Variants in ADAM8 observed in about 807,000 individuals in gnomAD.
The protein encoded by ADAM8 is ADAM metallopeptidase domain 8, also known as disintegrin and metalloproteinase domain-containing protein 8.
A neutral mutation model predicts 102.4 loss-of-function variants in ADAM8; 104 were observed. The observed-to-expected ratio is 1.02, with a 90% CI of 0.87 to 1.20. The LOEUF is 1.20. ADAM8 is among the 50% of genes most tolerant of loss of function. The pLI, the probability that ADAM8 is intolerant of heterozygous loss-of-function variation, is 0.00. For synonymous variants in ADAM8, 517 were observed against 485.2 expected (o/e 1.07, Z -0.86); for missense variants, 1,132 against 1,159.0 (o/e 0.98, Z 0.34).
chr10:133,276,166 A>C (rs1354596538), intron 1 of ADAM8, among the ~76,000 whole-genome samples: 1 of 152,188 alleles, frequency 6.6e-6, no homozygotes, highest in African/African-American at 2.4e-5. Context: ...ACGTGTCTCC[A>C]TGACCACATC....
At chr10:133,273,179 G>A (rs1360946355) in intron 6 of ADAM8, 75 bp downstream of exon 6, 1 of 1,579,136 alleles carries the variant, frequency 6.3e-7, no homozygotes, top group Non-Finnish European at 8.6e-7. Context: ...AGCACATGGG[G>A]AGCCAGGAGG....
Position 133,269,777 on chromosome 10 carries a change from G to A in ADAM8, c.1863+120C>T. 5 of 1,235,750 alleles carry A rather than the reference G, an allele frequency of 4.0e-6. No individual in the cohort carries two copies. In the East Asian group the frequency reaches 7.1e-5, roughly 18 times the overall value. The allele number at this position is 1,235,750 out of a possible 1,614,324, so 76.5% of individuals were successfully genotyped here. ...ACAGGGGCTCCACAGAGACCCCCAT[G>A]GACAGGACACGCCAGGCTCCCCCAG... On this transcript the variant is annotated intron_variant, in intron 17 of 22. Coordinates refer to ENST00000445355, the MANE Select transcript of ADAM8 (RefSeq NM_001109.5).
chr10:133,263,681 G>T lies in ADAM8; in HGVS notation c.2397+7C>A. 1.7e-6 allele frequency: 2 copies of T among 1,174,620 alleles called. No homozygotes were observed. The highest frequency in any genetic ancestry group is 2.8e-5 in the African/African-American group (1 of 35,782). 72.8% of individuals were successfully genotyped at this position (1,174,620 alleles called of 1,614,324 possible). ...TGGACTCTGCCTGGTGTGTGCTGGG[G>T]CCTCACCTCAGCTGGACCAGGGTTG... On this transcript the variant is annotated splice_region_variant and intron_variant, in intron 22 of 22. Coordinates refer to ENST00000445355, the MANE Select transcript of ADAM8 (RefSeq NM_001109.5).
At chr10:133,274,919 G>A in intron 2 of ADAM8, 1 of 429,072 alleles carries the variant, frequency 2.3e-6, no homozygotes, top group Non-Finnish European at 4.7e-6. Context: ...TGAGCCCAGG[G>A]CAGCGGGCAG....
intron 21 of ADAM8, among the ~76,000 whole-genome samples, chr10:133,266,248 G>A (rs1041804772): frequency 6.6e-6 from 1 of 152,088 alleles, no homozygotes; most frequent in African/African-American, 2.4e-5. Flanking sequence ...GGAGAAGGGC[G>A]TCCAGAGGGA....
chr10:133,273,360 T>C lies in ADAM8; in HGVS notation c.467A>G (p.Gln156Arg). 3 of 1,560,664 alleles carry C rather than the reference T, an allele frequency of 1.9e-6. No individual in the cohort carries two copies. Among genetic ancestry groups the C allele is most frequent in the Non-Finnish European group, 2.6e-6 (3 of 1,153,118 alleles). ...GGCCGTCTGCAGCAGGTGCTCAGCC[T>C]GGTACACGGCGTGCCGTCCGCCCTC... ...GGEGGRHAVYQAEHLLQTAGT... is the reference protein window; with the variant it reads ...GGEGGRHAVYRAEHLLQTAGT... The change falls in exon 6 of 23, where the codon CAG becomes CGG. Residue 156 changes from glutamine to arginine, a missense_variant. Coordinates refer to ENST00000445355, the MANE Select transcript of ADAM8 (RefSeq NM_001109.5).
chr10:133,265,716 T>A (rs868696866), intron 21 of ADAM8, among the ~76,000 whole-genome samples: 2 of 151,522 alleles, frequency 1.3e-5, no homozygotes, highest in Non-Finnish European at 2.9e-5. Context: ...GAGAATGGCA[T>A]GAACCTGAGA....
chr10:133,273,600 G>T (rs928639860), intron 5 of ADAM8, 157 bp from the exon 6 acceptor site: 3 of 1,258,770 alleles, frequency 2.4e-6, no homozygotes, highest in Admixed American at 5.0e-5. Context: ...AGGAGGGTGA[G>T]CCTCTTGGGC....
Position 133,267,986 on chromosome 10 carries a change from C to A in ADAM8, c.2196G>T (p.Pro732=). Residue 732 remains proline, a synonymous_variant, in exon 20 of 23, where the codon CCG becomes CCT. Transcript: ENST00000445355. ...AGGCCGGGTGTCGGGCGGGCTGGCC[C>A]GGGTGGGTGGTGGGGACCAGCTCTT... is the stretch of plus-strand genomic sequence containing the variant. The part of the protein sequence containing the change: ...GPQELVPTTH[P]GQPARHPASS... 7.9e-7 allele frequency: 1 copy of A among 1,260,562 alleles called. No individual in the cohort carries two copies. The highest frequency in any genetic ancestry group is 3.1e-5 in the East Asian group (1 of 32,370). The allele number at this position is 1,260,562 out of a possible 1,614,324, so 78.1% of individuals were successfully genotyped here.
chr10:133,263,863 G>T, intron 21 of ADAM8, 98 bp from the exon 22 acceptor site: 1 of 1,087,366 alleles, frequency 9.2e-7, no homozygotes, highest in Non-Finnish European at 1.3e-6. Context: ...GCTCCCCACA[G>T]ACCTCGCTCT....
At chr10:133,272,113 C>T (rs1240814952) in intron 10 of ADAM8, 80 bp downstream of exon 10, 1 of 1,511,468 alleles carries the variant, frequency 6.6e-7, no homozygotes, top group South Asian at 1.2e-5. Context: ...GTGGCCTGCT[C>T]CAGAGACCTG....
At position 133,268,739 on chromosome 10, in the gene ADAM8, C is replaced by A; in HGVS notation, c.2063+9G>T. 6.2e-7 allele frequency: 1 copy of A among 1,607,598 alleles called. No individual in the cohort carries two copies. The highest frequency in any genetic ancestry group is 8.5e-7 in the Non-Finnish European group (1 of 1,178,916). On this transcript the variant is annotated intron_variant, in intron 19 of 22. Coordinates refer to ENST00000445355, the MANE Select transcript of ADAM8 (RefSeq NM_001109.5). The stretch of plus-strand genomic sequence containing the variant: ...CGCCACCCTCCGTCACAGCCCCCAC[C>A]ACCCTCACCTGCTCAGGATGCGGCT...
chr10:133,275,109 C>T (rs1341869784), intron 2 of ADAM8: 3 of 309,252 alleles, frequency 9.7e-6, no homozygotes, highest in Non-Finnish European at 1.8e-5. Context: ...CAGTTTCTAG[C>T]CCTGGGAAAC....
chr10:133,267,494 C>T (rs1846361964), intron 20 of ADAM8, 77 bp from the exon 21 acceptor site: 8 of 1,417,514 alleles, frequency 5.6e-6, no homozygotes, highest in South Asian at 3.9e-5. Context: ...CTCCAGGATC[C>T]GAGGTTCCTG....
intron 2 of ADAM8, 86 bp downstream of exon 2, chr10:133,275,398 C>A: frequency 9.4e-7 from 1 of 1,065,332 alleles, no homozygotes; most frequent in Non-Finnish European, 1.4e-6. Context: ...ACTGGCCTCT[C>A]ACCACTTTCT....
At chr10:133,268,894 C>A in intron 18 of ADAM8, 32 bp from the exon 19 acceptor site, 1 of 1,593,090 alleles carries the variant, frequency 6.3e-7, no homozygotes. Flanking sequence ...ATCAGGCAGG[C>A]AGGCCGCGAC....
intron 22 of ADAM8, 112 bp downstream of exon 22, chr10:133,263,576 A>T: frequency 1.1e-6 from 1 of 942,714 alleles, no homozygotes. Flanking sequence ...GTTTATCCAC[A>T]GATAATCAGA....
chr10:133,270,753 G>A lies in ADAM8; in HGVS notation c.1617C>T (p.Cys539=). 6.2e-7 allele frequency: 1 copy of A among 1,606,372 alleles called. No homozygotes were observed. Among genetic ancestry groups the A allele is most frequent in the Non-Finnish European group, 8.5e-7 (1 of 1,176,360 alleles). The change falls in exon 15 of 23, where the codon TGC becomes TGT. Residue 539 remains cysteine, a synonymous_variant. Coordinates refer to ENST00000445355, the MANE Select transcript of ADAM8 (RefSeq NM_001109.5). The part of the protein sequence containing the change: ...SCFSYDILPG[C]KASRYRADMC... Reference sequence around the variant, plus strand: ...CAGCTCACCTGTACCGGCTGGCCTTGCAGCCTGGTAGGATGTCATAGGAGA... The same window carrying A: ...CAGCTCACCTGTACCGGCTGGCCTTACAGCCTGGTAGGATGTCATAGGAGA...
At position 133,275,137 on chromosome 10, in the gene ADAM8, C is replaced by A. The variant is rs530400008; in HGVS notation, c.150+347G>T. On this transcript the variant is annotated intron_variant, in intron 2 of 22. Coordinates refer to ENST00000445355, the MANE Select transcript of ADAM8 (RefSeq NM_001109.5). The stretch of plus-strand genomic sequence containing the variant: ...TGGGAAACCCCCGCCAGGCCCCCCC[C>A]CCAACACAGGAAGGTGTGTCAACTC... 250 of 351,638 alleles carry A rather than the reference C, an allele frequency of 7.1e-4. 3 individuals carry two copies. Among genetic ancestry groups the A allele is most frequent in the South Asian group, 7.0e-3 (234 of 33,280 alleles). The allele number at this position is 351,638 out of a possible 1,614,324, so 21.8% of individuals were successfully genotyped here.
Sources: gnomAD v4.1 joint callset for allele counts (sites outside exome capture counted in the v4.1 genomes callset) on GRCh38, gnomAD v4.1.1 for gene constraint, MANE v1.5 for transcripts, NCBI Gene and HGNC (gene_info 2026-07-23, HGNC 2026-07-21) for gene names.